The following ADAMTSL1 variants were observed in gnomAD, a reference collection of about 807,000 sequenced individuals.
ADAMTSL1 encodes ADAMTS like 1.
Under a neutral mutation model 201.8 loss-of-function variants are expected in ADAMTSL1, and 126 were observed. The observed-to-expected ratio is 0.62, with a 90% confidence interval of 0.54 to 0.72. The LOEUF (loss-of-function observed/expected upper bound fraction) is 0.72, where lower values mean the gene tolerates loss of function less well. ADAMTSL1 is among the 30% of genes least tolerant of loss of function. The probability of loss-of-function intolerance (pLI) is 0.00; values close to 1 mark genes in which losing one functional copy is unlikely to be tolerated. For missense variants in ADAMTSL1, 2,679 were observed against 2,277.8 expected (o/e 1.18, Z -3.59); for synonymous variants, 1,121 against 903.4 (o/e 1.24, Z -4.32).
intron 2 of ADAMTSL1, among the ~76,000 whole-genome samples, chr9:18,277,521 A>G (rs1423004340): frequency 1.3e-5 from 2 of 152,186 alleles, no homozygotes; most frequent in South Asian, 2.1e-4. Context: ...TTATCATTAT[A>G]TAATGACCTT....
chr9:18,433,718 C>G (rs1015644639), intron 2 of ADAMTSL1, among the ~76,000 whole-genome samples: 41 of 152,134 alleles, frequency 2.7e-4, no homozygotes, highest in African/African-American at 8.9e-4. Flanking sequence ...GCTAATTAAA[C>G]CTAACTACTG....
chr9:18,701,461 C>A (rs531732358), intron 13 of ADAMTSL1, among the ~76,000 whole-genome samples: 1 of 152,138 alleles, frequency 6.6e-6, no homozygotes, highest in Non-Finnish European at 1.5e-5. Context: ...TTCAGGCGAT[C>A]CGCCCACCTC....
intron 2 of ADAMTSL1, among the ~76,000 whole-genome samples, chr9:18,248,575 A>G (rs1831347935): frequency 6.6e-6 from 1 of 152,216 alleles, no homozygotes; most frequent in Admixed American, 6.5e-5. Flanking sequence ...TCTTCAACCA[A>G]AGCAATGGAA....
chr9:18,256,126 A>G lies in ADAMTSL1; in HGVS notation c.207+92145A>G, dbSNP rs182187140. On this transcript the variant is annotated intron_variant, in intron 2 of 29. Transcript: ENST00000680146. ...TAAAATGTGACATAATGCTTCTCTG[A>G]GCATAGTCTACAAGTCTACATTCTG... is the stretch of plus-strand genomic sequence containing the variant. 4.6e-5 allele frequency among the ~76,000 whole-genome samples: 7 copies of G among 152,328 alleles called. 1 individual carries two copies. In the East Asian group the frequency reaches 9.7e-4, roughly 21 times the overall value.
intron 1 of ADAMTSL1, among the ~76,000 whole-genome samples, chr9:17,946,712 G>T (rs1168215602): frequency 2.0e-5 from 3 of 152,060 alleles, no homozygotes; most frequent in African/African-American, 4.8e-5. Flanking sequence ...CATGCTATTT[G>T]AGGAGCTCTC....
intron 1 of ADAMTSL1, among the ~76,000 whole-genome samples, chr9:18,476,247 C>T (rs1021178057): frequency 7.9e-5 from 12 of 152,100 alleles, no homozygotes; most frequent in African/African-American, 2.9e-4. Context: ...AAAATCATTA[C>T]AATAAATCCT....
At chr9:18,110,286 A>G (rs911010248) in intron 1 of ADAMTSL1, among the ~76,000 whole-genome samples, 7 of 152,182 alleles carry the variant, frequency 4.6e-5, no homozygotes, top group Non-Finnish European at 7.3e-5. Flanking sequence ...AGGGTCTTCC[A>G]TGATCATTCA....
In ADAMTSL1 at chr9:18,833,083, A is replaced by G. The variant is rs146127452; in HGVS notation, c.4249+3106A>G. Reference sequence around the variant, plus strand: ...GATTTCACCTCAAGCCACTGCTACAACTCTCCAAAGGGAATGTTGCCTGAG... The same window carrying G: ...GATTTCACCTCAAGCCACTGCTACAGCTCTCCAAAGGGAATGTTGCCTGAG... On this transcript the variant is annotated intron_variant, in intron 23 of 28. Coordinates refer to ENST00000380548, the MANE Select transcript of ADAMTSL1 (RefSeq NM_001040272.6). 3.0e-3 allele frequency among the ~76,000 whole-genome samples: 460 copies of G among 152,116 alleles called. 4 individuals are homozygous for G. Among genetic ancestry groups the G allele is most frequent in the Non-Finnish European group, 4.0e-3 (272 of 67,996 alleles).
intron 2 of ADAMTSL1, among the ~76,000 whole-genome samples, chr9:18,363,712 T>C (rs968561917): frequency 1.3e-5 from 2 of 152,190 alleles, no homozygotes; most frequent in African/African-American, 4.8e-5. Flanking sequence ...TTCTGATTAA[T>C]GCTTGAGGAA....
rs1242052144 is a variant in ADAMTSL1 at position 18,175,430 on chromosome 9, G to T, written c.207+11449G>T. Reference sequence around the variant, plus strand: ...TATGCACATTGCTCTTTACACAGTGGATACTTGTATGTCAAAGCTAATTAT... The same window carrying T: ...TATGCACATTGCTCTTTACACAGTGTATACTTGTATGTCAAAGCTAATTAT... On this transcript the variant is annotated intron_variant, in intron 2 of 29. Coordinates refer to the ADAMTSL1 transcript ENST00000680146. 2.0e-5 allele frequency among the ~76,000 whole-genome samples: 3 copies of T among 152,104 alleles called. No homozygotes were observed. The South Asian group carries it at 6.2e-4, about 32-fold the overall frequency.
At chr9:18,717,428 T>A (rs766348396) in intron 14 of ADAMTSL1, among the ~76,000 whole-genome samples, 2 of 152,006 alleles carry the variant, frequency 1.3e-5, no homozygotes, top group Non-Finnish European at 2.9e-5. Flanking sequence ...TGAAACATTT[T>A]TAAAAACTAT....
intron 1 of ADAMTSL1, among the ~76,000 whole-genome samples, chr9:18,018,136 A>G (rs2131576410): frequency 6.6e-6 from 1 of 152,206 alleles, no homozygotes; most frequent in Non-Finnish European, 1.5e-5. Flanking sequence ...ATGTGCACTC[A>G]AAAGCCTAAA....
chr9:18,012,370 C>T (rs542864292), intron 1 of ADAMTSL1, among the ~76,000 whole-genome samples: 1 of 152,138 alleles, frequency 6.6e-6, no homozygotes, highest in South Asian at 2.1e-4. Flanking sequence ...GAGGCTTGTG[C>T]TTAGGTCATG....
chr9:17,962,927 A>C (rs1287243030), intron 1 of ADAMTSL1, among the ~76,000 whole-genome samples: 2 of 152,230 alleles, frequency 1.3e-5, no homozygotes, highest in Non-Finnish European at 2.9e-5. Context: ...TCAGGGAGCC[A>C]CATCAGTTGA....
chr9:18,481,501 GTTTT>G (rs79416288), intron 1 of ADAMTSL1, among the ~76,000 whole-genome samples: 1 of 143,616 alleles, frequency 7.0e-6, no homozygotes, highest in Non-Finnish European at 1.5e-5. Flanking sequence ...GTTGTCAAGA[GTTTT>G]TTTTTTTTTT....
chr9:18,597,072 C>A (rs1279309200), intron 4 of ADAMTSL1, among the ~76,000 whole-genome samples: 1 of 152,150 alleles, frequency 6.6e-6, no homozygotes, highest in Non-Finnish European at 1.5e-5. Flanking sequence ...TCTTTAGTTT[C>A]TTTATATTAT....
intron 4 of ADAMTSL1, among the ~76,000 whole-genome samples, chr9:18,583,024 T>TA (rs1264047238): frequency 1.3e-5 from 2 of 152,166 alleles, no homozygotes; most frequent in African/African-American, 4.8e-5. Context: ...ACTGTAAGTC[T>TA]AATAAACCTC....
At chr9:18,718,238 T>G in intron 14 of ADAMTSL1, 1 of 761,978 alleles carries the variant, frequency 1.3e-6, no homozygotes, top group Non-Finnish European at 2.4e-6. Flanking sequence ...GAATCTGTTC[T>G]CTCAAGTCTT....
intron 1 of ADAMTSL1, among the ~76,000 whole-genome samples, chr9:18,047,364 T>C (rs1333080060): frequency 6.6e-6 from 1 of 152,116 alleles, no homozygotes; most frequent in East Asian, 1.9e-4. Flanking sequence ...GGGGAGATGT[T>C]GTTGGCATTT....
Sources: allele counts gnomAD v4.1 joint callset (sites outside exome capture counted in the v4.1 genomes callset), GRCh38; gene constraint gnomAD v4.1.1; transcripts MANE v1.5; gene names NCBI Gene and HGNC (gene_info 2026-07-23, HGNC 2026-07-21).